The following DNER variants were observed in gnomAD, a reference collection of about 807,000 sequenced individuals.
DNER encodes the protein delta and Notch-like epidermal growth factor-related receptor.
In DNER, 33 loss-of-function variants were observed where a neutral mutation model predicts 78.2. That is an observed-to-expected ratio of 0.42 (90% confidence interval 0.32 to 0.56). The LOEUF (loss-of-function observed/expected upper bound fraction) is 0.56. DNER is among the 20% of genes least tolerant of loss of function. The pLI is 0.11. For synonymous variants in DNER, 417 were observed against 384.8 expected (o/e 1.08, Z -0.98); for missense variants, 918 against 975.3 (o/e 0.94, Z 0.78).
At chr2:229,649,325 C>T (rs998387644) in intron 1 of DNER, among the ~76,000 whole-genome samples, 23 of 152,114 alleles carry the variant, frequency 1.5e-4, no homozygotes, top group African/African-American at 5.1e-4. Flanking sequence ...TACATTTATA[C>T]GCTCATCAGT....
chr2:229,521,189 G>A (rs1696089972), intron 5 of DNER, among the ~76,000 whole-genome samples: 1 of 152,188 alleles, frequency 6.6e-6, no homozygotes, highest in East Asian at 1.9e-4. Context: ...CTAGTTAATG[G>A]AGGAGCTCCA....
intron 12 of DNER, among the ~76,000 whole-genome samples, chr2:229,361,639 G>A (rs1019458850): frequency 3.9e-5 from 6 of 152,066 alleles, no homozygotes; most frequent in Admixed American, 2.6e-4. Flanking sequence ...TCAATGTTTT[G>A]TGCATTATTC....
At chr2:229,378,601 G>A (rs1692662951) in intron 11 of DNER, among the ~76,000 whole-genome samples, 2 of 152,310 alleles carry the variant, frequency 1.3e-5, no homozygotes, top group South Asian at 4.1e-4. Context: ...CCAGCACCAT[G>A]TAGCTATGTG....
At chr2:229,533,352 G>A (rs1217994178) in intron 5 of DNER, among the ~76,000 whole-genome samples, 1 of 151,948 alleles carries the variant, frequency 6.6e-6, no homozygotes, top group Non-Finnish European at 1.5e-5. Context: ...CTGTTGACAT[G>A]GACACCAAAG....
At chr2:229,505,281 G>A (rs1695714916) in intron 6 of DNER, among the ~76,000 whole-genome samples, 1 of 150,396 alleles carries the variant, frequency 6.6e-6, no homozygotes, top group Non-Finnish European at 1.5e-5. Flanking sequence ...AAACCTATGG[G>A]AATGGGGGTT....
At chr2:229,589,163 A>G (rs1481141655) in intron 2 of DNER, among the ~76,000 whole-genome samples, 1 of 152,260 alleles carries the variant, frequency 6.6e-6, no homozygotes, top group Non-Finnish European at 1.5e-5. Flanking sequence ...TCCAGTGAGC[A>G]TAAACCTGGC....
chr2:229,667,890 C>G (rs187015654), intron 1 of DNER, among the ~76,000 whole-genome samples: 8 of 152,302 alleles, frequency 5.3e-5, no homozygotes, highest in African/African-American at 1.9e-4. Context: ...AGGCTCCACC[C>G]TTCACCAGGG....
At chr2:229,526,221 G>A (rs1047259095) in intron 5 of DNER, among the ~76,000 whole-genome samples, 19 of 152,148 alleles carry the variant, frequency 1.2e-4, no homozygotes, top group African/African-American at 4.3e-4. Context: ...TCTTTTGTGT[G>A]ATAATTTAAT....
chr2:229,487,059 T>C (rs1695291511), intron 6 of DNER, among the ~76,000 whole-genome samples: 1 of 152,182 alleles, frequency 6.6e-6, no homozygotes, highest in Admixed American at 6.5e-5. Context: ...ATAACGCAAA[T>C]TACAGAGGAC....
At chr2:229,397,463 C>CAA (rs763572496) in intron 10 of DNER, among the ~76,000 whole-genome samples, 3,885 of 96,516 alleles carry the variant, frequency 0.04, 190 homozygotes, top group African/African-American at 0.076. Context: ...CCAAACACTA[C>CAA]AAAAAAAAAA....
At chr2:229,399,571 T>C (rs1323649315) in intron 10 of DNER, among the ~76,000 whole-genome samples, 2 of 152,058 alleles carry the variant, frequency 1.3e-5, no homozygotes, top group African/African-American at 4.8e-5. Context: ...GGATCTAGAA[T>C]AGTTATAACA....
Position 229,714,550 on chromosome 2 carries a change from G to T in DNER, c.-127C>A. ...TGCTCCGCCGGGCCGGGCGCCTCCT[G>T]CAGCTGCGGGATCCGCGGTTCCCCG... On this transcript the variant is annotated 5_prime_UTR_variant, in exon 1 of 13. Coordinates refer to ENST00000341772, the MANE Select transcript of DNER (RefSeq NM_139072.4). The T allele has an allele frequency of 9.9e-7, 1 of 1,009,608 alleles. No individual in the cohort carries two copies. Among genetic ancestry groups the T allele is most frequent in the Non-Finnish European group, 1.2e-6 (1 of 841,540 alleles). 62.5% of individuals were successfully genotyped at this position (1,009,608 alleles called of 1,614,324 possible).
chr2:229,374,958 T>C (rs889235773), intron 11 of DNER, among the ~76,000 whole-genome samples: 1 of 152,174 alleles, frequency 6.6e-6, no homozygotes, highest in Non-Finnish European at 1.5e-5. Context: ...ATGAAAAGCA[T>C]TTCCCTATGC....
chr2:229,618,295 C>T (rs149084307), intron 1 of DNER, among the ~76,000 whole-genome samples: 22 of 152,322 alleles, frequency 1.4e-4, no homozygotes, highest in African/African-American at 5.3e-4. Context: ...CAGGAGAAGA[C>T]ACTGTCAGTC....
At chr2:229,634,371 T>C (rs1698493464) in intron 1 of DNER, among the ~76,000 whole-genome samples, 1 of 152,160 alleles carries the variant, frequency 6.6e-6, no homozygotes, top group African/African-American at 2.4e-5. Flanking sequence ...AATATCCCAA[T>C]AAATTCCACT....
At chr2:229,508,749 C>A (rs1241071013) in intron 6 of DNER, among the ~76,000 whole-genome samples, 2 of 152,028 alleles carry the variant, frequency 1.3e-5, no homozygotes, top group Admixed American at 6.6e-5. Flanking sequence ...GGCGTGGTGG[C>A]AAGCACCTGT....
Position 229,566,729 on chromosome 2 carries a change from G to A in DNER, c.847+19129C>T, listed in dbSNP as rs1697116704. Among the ~76,000 whole-genome samples the A allele has an allele frequency of 2.0e-5, 3 of 152,164 alleles. No individual in the cohort carries two copies. The South Asian group carries it at 6.2e-4, about 32-fold the overall frequency. On this transcript the variant is annotated intron_variant, in intron 4 of 12. Coordinates refer to ENST00000341772, the MANE Select transcript of DNER (RefSeq NM_139072.4). ...CTGCAGTGATTCATAATTGCCTAAAGAGTTTATTTAATCAATTGTAACTTA... is the reference window on the plus strand; with the variant it reads ...CTGCAGTGATTCATAATTGCCTAAAAAGTTTATTTAATCAATTGTAACTTA...
intron 5 of DNER, among the ~76,000 whole-genome samples, chr2:229,519,707 G>C (rs141960735): frequency 2.0e-5 from 3 of 152,244 alleles, no homozygotes; most frequent in African/African-American, 7.2e-5. Flanking sequence ...CAGAAGATGC[G>C]TGTGGGGAGG....
intron 4 of DNER, among the ~76,000 whole-genome samples, chr2:229,557,885 C>T (rs191679300): frequency 1.3e-5 from 2 of 152,056 alleles, no homozygotes; most frequent in African/African-American, 4.8e-5. Flanking sequence ...GGGTATATAG[C>T]CAAAGAAATA....
Sources: allele counts gnomAD v4.1 joint callset (sites outside exome capture counted in the v4.1 genomes callset), GRCh38; gene constraint gnomAD v4.1.1; transcripts MANE v1.5; gene names NCBI Gene and HGNC (gene_info 2026-07-23, HGNC 2026-07-21).